The following PARP8 variants were observed in gnomAD, a reference collection of about 807,000 sequenced individuals.
PARP8 encodes the protein protein mono-ADP-ribosyltransferase PARP8.
In PARP8, 51 loss-of-function variants were observed where a neutral mutation model predicts 124.1. The observed-to-expected ratio is 0.41, with a 90% CI of 0.33 to 0.52. The LOEUF (loss-of-function observed/expected upper bound fraction) is 0.52. Ranked by LOEUF, PARP8 falls within the 20% of genes least tolerant of loss-of-function variation. PARP8 has a pLI of 0.21. For missense variants in PARP8, 860 were observed against 1,018.9 expected, an observed-to-expected ratio of 0.84 and a Z score of 2.12; for synonymous variants, 391 against 361.5, an observed-to-expected ratio of 1.08 and a Z score of -0.93.
At chr5:50,724,042 A>G (rs1181276999) in intron 2 of PARP8, among the ~76,000 whole-genome samples, 2 of 152,102 alleles carry the variant, frequency 1.3e-5, no homozygotes, top group Non-Finnish European at 2.9e-5. Flanking sequence ...GGCTTGCCTC[A>G]AACTCCTGGG....
intron 3 of PARP8, among the ~76,000 whole-genome samples, chr5:50,750,401 G>A (rs1489772670): frequency 1.3e-5 from 2 of 151,984 alleles, no homozygotes; most frequent in Admixed American, 6.6e-5. Context: ...CCAATGAAAA[G>A]TTCTTTAAAG....
At chr5:50,827,444 G>T (rs1486539220) in intron 19 of PARP8, among the ~76,000 whole-genome samples, 4 of 152,062 alleles carry the variant, frequency 2.6e-5, no homozygotes, top group African/African-American at 7.2e-5. Context: ...GACCAAGGAG[G>T]AGACTATATT....
chr5:50,788,086 A>G (rs1358941910), intron 9 of PARP8, among the ~76,000 whole-genome samples: 2 of 148,718 alleles, frequency 1.3e-5, no homozygotes, highest in African/African-American at 5.0e-5. Flanking sequence ...CTTCCACTTA[A>G]AAAATAATGC....
intron 23 of PARP8, 61 bp from the exon 24 acceptor site, chr5:50,833,918 A>G (rs1747272388): frequency 7.0e-7 from 1 of 1,420,344 alleles, no homozygotes; most frequent in Admixed American, 1.7e-5. Context: ...TTAATGATGA[A>G]CAGCTTTTTT....
chr5:50,757,640 TG>T (rs1285934814), intron 3 of PARP8, among the ~76,000 whole-genome samples: 8 of 152,340 alleles, frequency 5.3e-5, no homozygotes, highest in Admixed American at 3.9e-4. Context: ...GGCATAATGC[TG>T]TCTAGCCTAT....
chr5:50,713,460 T>G (rs983550278), intron 2 of PARP8, among the ~76,000 whole-genome samples: 1 of 151,988 alleles, frequency 6.6e-6, no homozygotes, highest in Non-Finnish European at 1.5e-5. Context: ...AGGCTGACCT[T>G]GAACTTCTGG....
At chr5:50,829,255 A>G (rs1355658088) in intron 21 of PARP8, among the ~76,000 whole-genome samples, 1 of 152,162 alleles carries the variant, frequency 6.6e-6, no homozygotes, top group African/African-American at 2.4e-5. Flanking sequence ...TTTTCATCTG[A>G]CAGCATAAGG....
At chr5:50,685,440 C>T (rs1377099907) in intron 2 of PARP8, among the ~76,000 whole-genome samples, 1 of 152,208 alleles carries the variant, frequency 6.6e-6, no homozygotes. Flanking sequence ...TCCTGCAGTT[C>T]TTCCTTTTCC....
At chr5:50,741,076 T>G (rs1404909405) in intron 2 of PARP8, among the ~76,000 whole-genome samples, 3 of 152,172 alleles carry the variant, frequency 2.0e-5, no homozygotes, top group Non-Finnish European at 4.4e-5. Flanking sequence ...TATGACCACT[T>G]AAAACTTGAA....
chr5:50,749,482 C>T (rs1413364608), intron 2 of PARP8, among the ~76,000 whole-genome samples: 2 of 151,842 alleles, frequency 1.3e-5, no homozygotes, highest in Non-Finnish European at 2.9e-5. Context: ...GTTCAATTTT[C>T]GTATGTCATA....
intron 2 of PARP8, among the ~76,000 whole-genome samples, chr5:50,747,761 CTTTTTTTTTTTTTTT>C (rs70972943): frequency 1.9e-5 from 1 of 52,938 alleles, no homozygotes; most frequent in Admixed American, 2.5e-4. Flanking sequence ...ATAGACCTTG[CTTTTTTTTTTTTTTT>C]TTTTTTTTTT....
chr5:50,672,574 A>C (rs1750151818), intron 2 of PARP8, among the ~76,000 whole-genome samples: 1 of 152,176 alleles, frequency 6.6e-6, no homozygotes, highest in African/African-American at 2.4e-5. Context: ...ATGTGCAAAT[A>C]CTTTTAGGGG....
intron 2 of PARP8, chr5:50,745,028 A>C: frequency 2.7e-6 from 1 of 366,820 alleles, no homozygotes; most frequent in Non-Finnish European, 4.9e-6. Flanking sequence ...TTCCCTTAGA[A>C]CTCTGCAAGT....
At position 50,834,929 on chromosome 5, in the gene PARP8, A is replaced by G; in HGVS notation, c.2378-2A>G. ...TCTTTAATTTTATTTTCCACTTAAC[A>G]GTGATCACCTCATCTGACCTGCACA... On this transcript the variant is annotated splice_acceptor_variant, in intron 24 of 25. Transcript: ENST00000281631. LOFTEE classifies it high-confidence loss of function. The G allele has an allele frequency of 6.2e-7, 1 of 1,611,688 alleles. No homozygotes were observed. The highest frequency in any genetic ancestry group is 8.5e-7 in the Non-Finnish European group (1 of 1,178,096).
chr5:50,801,287 C>T (rs1265745205), intron 14 of PARP8, among the ~76,000 whole-genome samples: 4 of 151,824 alleles, frequency 2.6e-5, no homozygotes, highest in Admixed American at 6.6e-5. Flanking sequence ...TTATTAGAGA[C>T]GGGGTTTCTT....
At chr5:50,743,627 G>A (rs1489317079) in intron 2 of PARP8, among the ~76,000 whole-genome samples, 9 of 152,032 alleles carry the variant, frequency 5.9e-5, no homozygotes, top group Non-Finnish European at 8.8e-5. Context: ...ACTTGCAAGT[G>A]AACAAAGACT....
Position 50,804,976 on chromosome 5 carries a change from G to A in PARP8, c.1575+7743G>A, listed in dbSNP as rs115791084. 2.2e-3 allele frequency among the ~76,000 whole-genome samples: 338 copies of A among 151,818 alleles called. 2 individuals carry two copies. The highest frequency in any genetic ancestry group is 7.4e-3 in the African/African-American group (308 of 41,396). On this transcript the variant is annotated intron_variant, in intron 14 of 25. Coordinates refer to ENST00000281631, the MANE Select transcript of PARP8 (RefSeq NM_024615.4). The stretch of plus-strand genomic sequence containing the variant: ...GAAGGTTAAATGTCACAAGTTTTAC[G>A]GTTCTTACCAAGATTCAGCTGTTGA...
intron 2 of PARP8, among the ~76,000 whole-genome samples, chr5:50,737,622 A>ACC (rs1757604014): frequency 1.3e-5 from 2 of 152,218 alleles, no homozygotes; most frequent in African/African-American, 4.8e-5. Context: ...AATGTCCCTC[A>ACC]CCAGTTATTT....
intron 2 of PARP8, among the ~76,000 whole-genome samples, chr5:50,674,690 T>C (rs548931670): frequency 3.2e-4 from 49 of 152,344 alleles, no homozygotes; most frequent in African/African-American, 1.2e-3. Flanking sequence ...TTCTGTTTGC[T>C]TAGTGACCAC....
Sources: allele counts gnomAD v4.1 joint callset (sites outside exome capture counted in the v4.1 genomes callset), GRCh38; gene constraint gnomAD v4.1.1; transcripts MANE v1.5; gene names NCBI Gene and HGNC (gene_info 2026-07-23, HGNC 2026-07-21).